PPM1L: variants seen among roughly 807,000 people sequenced by gnomAD.
The protein encoded by PPM1L is protein phosphatase 1L.
Under a neutral mutation model 31.4 loss-of-function variants are expected in PPM1L, and 13 were observed. The ratio of observed to expected loss-of-function variants is 0.41; its 90% confidence interval spans 0.27 to 0.66. The LOEUF is 0.66. PPM1L is among the 30% of genes least tolerant of loss of function. The pLI is 0.29. For synonymous variants in PPM1L, 184 were observed against 175.4 expected (o/e 1.05, Z -0.39); for missense variants, 326 against 453.7 (o/e 0.72, Z 2.56).
intron 1 of PPM1L, among the ~76,000 whole-genome samples, chr3:160,871,456 T>C (rs1463459985): frequency 6.6e-6 from 1 of 152,174 alleles, no homozygotes; most frequent in Non-Finnish European, 1.5e-5. Flanking sequence ...TAAAAGGAAA[T>C]TATTTTGAGA....
chr3:160,992,634 C>T lies in PPM1L; in HGVS notation c.574+30724C>T, dbSNP rs372928220. 1.1e-4 allele frequency among the ~76,000 whole-genome samples: 16 copies of T among 152,276 alleles called. No homozygotes were observed. The South Asian group carries it at 3.3e-3, about 32-fold the overall frequency. ...GCTCTTTCTCTCTTTGCATGTTAACCATATTCTTGTCCATTGCAAACAACT... is the reference window on the plus strand; with the variant it reads ...GCTCTTTCTCTCTTTGCATGTTAACTATATTCTTGTCCATTGCAAACAACT... On this transcript the variant is annotated intron_variant, in intron 2 of 3. Transcript: ENST00000498165.
At position 160,975,549 on chromosome 3, in the gene PPM1L, T is replaced by G. The variant is rs539554730; in HGVS notation, c.574+13639T>G. 3.3e-5 allele frequency among the ~76,000 whole-genome samples: 5 copies of G among 152,234 alleles called. No individual in the cohort carries two copies. The East Asian group carries it at 7.7e-4, about 23-fold the overall frequency. ...TTGTTTGTATCCTTTTTTATTTCCT[T>G]GAGCAGTGGTTTGTAGTTCTCCTTG... On this transcript the variant is annotated intron_variant, in intron 2 of 3. Transcript: ENST00000498165.
intron 1 of PPM1L, among the ~76,000 whole-genome samples, chr3:160,835,039 A>ACTTCTTCTTCCTCTT (rs1553810670): frequency 1.5e-5 from 2 of 131,752 alleles, no homozygotes; most frequent in African/African-American, 6.2e-5. Context: ...TACTACTACT[A>ACTTCTTCTTCCTCTT]CTTCTTCTTC....
chr3:160,975,539 T>A (rs1055736261), intron 2 of PPM1L, among the ~76,000 whole-genome samples: 7 of 152,180 alleles, frequency 4.6e-5, no homozygotes, highest in Admixed American at 2.0e-4. Flanking sequence ...TGTATCCTTT[T>A]TTATTTCCTT....
intron 2 of PPM1L, among the ~76,000 whole-genome samples, chr3:161,059,994 T>C (rs1719522502): frequency 6.6e-6 from 1 of 152,116 alleles, no homozygotes; most frequent in Admixed American, 6.6e-5. Context: ...CTCTTTTCTG[T>C]ATAAATTACC....
intron 2 of PPM1L, among the ~76,000 whole-genome samples, chr3:161,062,599 T>C (rs1254350068): frequency 6.6e-6 from 1 of 152,230 alleles, no homozygotes; most frequent in Non-Finnish European, 1.5e-5. Context: ...TGTGTCACTA[T>C]CCTGCTTAAA....
In PPM1L at chr3:161,013,877, A is replaced by G. The variant is rs943754072; in HGVS notation, c.575-51526A>G. ...TTTTTTTGTTTTCCATTTGCTTGGTAGATCTTCCTCCATCCCTTTATTTTG... is the reference window on the plus strand; with the variant it reads ...TTTTTTTGTTTTCCATTTGCTTGGTGGATCTTCCTCCATCCCTTTATTTTG... On this transcript the variant is annotated intron_variant, in intron 2 of 3. Coordinates refer to ENST00000498165, the MANE Select transcript of PPM1L (RefSeq NM_139245.4). Among the ~76,000 whole-genome samples the G allele has an allele frequency of 3.3e-5, 5 of 152,110 alleles. No individual in the cohort carries two copies. The East Asian group carries it at 9.6e-4, about 29-fold the overall frequency.
chr3:160,935,484 A>G (rs1372924159), intron 1 of PPM1L, among the ~76,000 whole-genome samples: 2 of 152,202 alleles, frequency 1.3e-5, no homozygotes, highest in East Asian at 1.9e-4. Context: ...GATCCATCAG[A>G]TAGAGTTTGC....
intron 1 of PPM1L, among the ~76,000 whole-genome samples, chr3:160,849,112 T>C (rs1714175245): frequency 1.3e-5 from 2 of 152,230 alleles, no homozygotes; most frequent in Admixed American, 1.3e-4. Context: ...TATGGGCATA[T>C]ATTAAACATT....
In PPM1L at chr3:161,072,909, T is replaced by TAATA. The variant is rs1250604946; in HGVS notation, c.*3753_*3756dup. 2.0e-5 allele frequency: 3 copies of TAATA among 152,248 alleles called. No individual in the cohort carries two copies. Among genetic ancestry groups the TAATA allele is most frequent in the Non-Finnish European group, 2.9e-5 (2 of 68,044 alleles). 9.4% of individuals were successfully genotyped at this position (152,248 alleles called of 1,614,324 possible). A position where few individuals can be genotyped will look rare whatever the true frequency, so the allele number is the denominator to read the frequency against. ...ACCCACAACTAGACTGTTCATACCC[T>TAATA]AATAGTTCCCCAAAATTGCCTTAGC... On this transcript the variant is annotated 3_prime_UTR_variant, in exon 4 of 4. Coordinates refer to ENST00000498165, the MANE Select transcript of PPM1L (RefSeq NM_139245.4).
intron 1 of PPM1L, among the ~76,000 whole-genome samples, chr3:160,909,411 C>T (rs774718819): frequency 6.6e-6 from 1 of 152,010 alleles, no homozygotes; most frequent in African/African-American, 2.4e-5. Context: ...AAGAAAGAGC[C>T]GGCTCTGGAA....
intron 1 of PPM1L, among the ~76,000 whole-genome samples, chr3:160,843,071 C>T (rs1713939315): frequency 6.6e-6 from 1 of 152,022 alleles, no homozygotes; most frequent in Non-Finnish European, 1.5e-5. Flanking sequence ...AGGAATGTCT[C>T]CAAATCTAAT....
rs569301697 is a variant in PPM1L at position 161,015,810 on chromosome 3, G to T, written c.575-49593G>T. 2.0e-5 allele frequency among the ~76,000 whole-genome samples: 3 copies of T among 152,270 alleles called. No individual in the cohort carries two copies. In the South Asian group the frequency reaches 6.2e-4, roughly 32 times the overall value. On this transcript the variant is annotated intron_variant, in intron 2 of 3. Coordinates refer to ENST00000498165, the MANE Select transcript of PPM1L (RefSeq NM_139245.4). ...CAAATATTGCCCTACCCAGAACTTG[G>T]ATAAAAACATGGCATTTGTATTTAT...
At chr3:161,038,780 T>C (rs1718827708) in intron 2 of PPM1L, among the ~76,000 whole-genome samples, 1 of 152,072 alleles carries the variant, frequency 6.6e-6, no homozygotes. Flanking sequence ...CCAGAGCAAC[T>C]CTATCTTAAA....
chr3:160,875,396 G>T (rs951883542), intron 1 of PPM1L, among the ~76,000 whole-genome samples: 1 of 152,166 alleles, frequency 6.6e-6, no homozygotes, highest in African/African-American at 2.4e-5. Flanking sequence ...ATTTATAGTT[G>T]TGTGACAGCT....
rs749607446 is a variant in PPM1L at position 160,756,542 on chromosome 3, C to T, written c.234C>T (p.Leu78=). The T allele has an allele frequency of 1.2e-6, 2 of 1,614,064 alleles. No homozygotes were observed. The highest frequency in any genetic ancestry group is 2.2e-5 in the East Asian group (1 of 44,864). ...QNDRLGGLDV[L]EAEFSKTWEF... ...ATCGACTCGGGGGGCTTGATGTGCT[C>T]GAGGCCGAGTTTTCCAAGACCTGGG... Residue 78 remains leucine (L), a synonymous_variant, in exon 1 of 4, where the codon CTC becomes CTT. Transcript: ENST00000498165. The surrounding 1 kb of genome is among the most constrained non-coding windows in gnomAD (Gnocchi z 6.2).
At chr3:160,994,072 G>A (rs1351003519) in intron 2 of PPM1L, among the ~76,000 whole-genome samples, 1 of 151,636 alleles carries the variant, frequency 6.6e-6, no homozygotes, top group African/African-American at 2.4e-5. Context: ...GGGTGGGGGC[G>A]GATATTACTT....
At chr3:160,775,548 T>G (rs1711541791) in intron 1 of PPM1L, among the ~76,000 whole-genome samples, 1 of 152,210 alleles carries the variant, frequency 6.6e-6, no homozygotes, top group South Asian at 2.1e-4. Context: ...GTATATAGGA[T>G]TCTGAAAGTT....
At chr3:160,847,569 T>C (rs1714120907) in intron 1 of PPM1L, among the ~76,000 whole-genome samples, 1 of 152,110 alleles carries the variant, frequency 6.6e-6, no homozygotes, top group Non-Finnish European at 1.5e-5. Flanking sequence ...TAGTACATAT[T>C]TTCTCTTTGC....
Sources: allele counts gnomAD v4.1 joint callset (sites outside exome capture counted in the v4.1 genomes callset), GRCh38; gene constraint gnomAD v4.1.1; non-coding constraint Gnocchi (gnomAD v3.1); transcripts MANE v1.5; gene names NCBI Gene and HGNC (gene_info 2026-07-23, HGNC 2026-07-21).